Variants in HS3ST3A1 observed in about 807,000 individuals in gnomAD.
HS3ST3A1 encodes heparan sulfate glucosamine 3-O-sulfotransferase 3A1.
In HS3ST3A1, 19 loss-of-function variants were observed where a neutral mutation model predicts 25.7. The ratio of observed to expected loss-of-function variants is 0.74; its 90% confidence interval spans 0.52 to 1.08. The LOEUF is 1.08. HS3ST3A1 is among the 50% of genes least tolerant of loss of function. HS3ST3A1 has a pLI of 0.00. For missense variants in HS3ST3A1, 459 were observed against 594.3 expected, an observed-to-expected ratio of 0.77 and a Z score of 2.37; for synonymous variants, 226 against 278.6, an observed-to-expected ratio of 0.81 and a Z score of 1.88.
intron 1 of HS3ST3A1, among the ~76,000 whole-genome samples, chr17:13,572,182 G>A (rs112311837): frequency 0.03 from 4,628 of 152,074 alleles, 96 homozygotes; most frequent in Non-Finnish European, 0.048. Flanking sequence ...TCCTTTTTAC[G>A]TCTATGAAAT....
intron 1 of HS3ST3A1, 126 bp from the exon 2 acceptor site, chr17:13,496,944 T>A: frequency 1.5e-6 from 2 of 1,335,214 alleles, no homozygotes; most frequent in African/African-American, 1.5e-5. Flanking sequence ...GCTAGACATC[T>A]GATGGTGACG....
chr17:13,524,864 G>A lies in HS3ST3A1; in HGVS notation c.600-28046C>T, dbSNP rs1203898383. On this transcript the variant is annotated intron_variant, in intron 1 of 1. Transcript: ENST00000284110. ...AAAGTCACTGCTTGCATTTCTAACAGCTTTCATGTCATATATTTTGATGTT... is the reference window on the plus strand; with the variant it reads ...AAAGTCACTGCTTGCATTTCTAACAACTTTCATGTCATATATTTTGATGTT... Among the ~76,000 whole-genome samples the A allele has an allele frequency of 3.9e-5, 6 of 152,196 alleles. No homozygotes were observed. The South Asian group carries it at 1.0e-3, about 26-fold the overall frequency.
Position 13,495,256 on chromosome 17 carries a change from A to C in HS3ST3A1, c.*941T>G, listed in dbSNP as rs1905235080. Among the ~76,000 whole-genome samples, 1 of 152,046 alleles carries C rather than the reference A, an allele frequency of 6.6e-6. No individual in the cohort carries two copies. The highest frequency in any genetic ancestry group is 6.5e-5 in the Admixed American group (1 of 15,268). On this transcript the variant is annotated 3_prime_UTR_variant, in exon 2 of 2. Coordinates refer to ENST00000284110, the MANE Select transcript of HS3ST3A1 (RefSeq NM_006042.3). ...CTTGTCCTCCATGCAAGAATCCAAT[A>C]ATTCCTCTCCAATTCAATCAAGCAT...
intron 1 of HS3ST3A1, among the ~76,000 whole-genome samples, chr17:13,498,356 C>A (rs1445037502): frequency 1.3e-5 from 2 of 152,130 alleles, no homozygotes; most frequent in African/African-American, 4.8e-5. Context: ...TTTCTCTGAA[C>A]TTCTCTTGCC....
intron 1 of HS3ST3A1, among the ~76,000 whole-genome samples, chr17:13,555,142 ACT>A (rs1907338163): frequency 6.6e-6 from 1 of 152,026 alleles, no homozygotes; most frequent in Admixed American, 6.6e-5. Flanking sequence ...GAACAAAAAC[ACT>A]TATGGCTTCC....
intron 1 of HS3ST3A1, among the ~76,000 whole-genome samples, chr17:13,545,519 T>C (rs545929318): frequency 6.6e-6 from 1 of 152,200 alleles, no homozygotes; most frequent in Non-Finnish European, 1.5e-5. Context: ...GGTTTGTGTA[T>C]CTTTTGTTAC....
intron 1 of HS3ST3A1, among the ~76,000 whole-genome samples, chr17:13,529,556 G>A (rs1168461972): frequency 6.6e-6 from 1 of 152,156 alleles, no homozygotes; most frequent in Non-Finnish European, 1.5e-5. Context: ...AACACTGTAT[G>A]TGACAAATCC....
chr17:13,516,303 C>G (rs532242325), intron 1 of HS3ST3A1, among the ~76,000 whole-genome samples: 1 of 152,056 alleles, frequency 6.6e-6, no homozygotes, highest in Admixed American at 6.5e-5. Flanking sequence ...GCGCAAGACT[C>G]TGTCTCAAAA....
chr17:13,585,616 G>T (rs1908237824), intron 1 of HS3ST3A1, among the ~76,000 whole-genome samples: 1 of 151,636 alleles, frequency 6.6e-6, no homozygotes, highest in Admixed American at 6.6e-5. Flanking sequence ...CTCCCTTTGG[G>T]TCTAGAATAG....
At chr17:13,595,403 T>A (rs1181040673) in intron 1 of HS3ST3A1, among the ~76,000 whole-genome samples, 2 of 152,180 alleles carry the variant, frequency 1.3e-5, no homozygotes, top group African/African-American at 4.8e-5. Context: ...AATTTCTAAA[T>A]TTTGGCTTCA....
intron 1 of HS3ST3A1, among the ~76,000 whole-genome samples, chr17:13,582,683 A>G (rs2051082626): frequency 6.6e-6 from 1 of 152,196 alleles, no homozygotes; most frequent in African/African-American, 2.4e-5. Context: ...TCACGTTTTC[A>G]TTTGCATAGT....
rs74602665 is a variant in HS3ST3A1, at chr17:13,511,978, A to C, written c.600-15160T>G. On this transcript the variant is annotated intron_variant, in intron 1 of 1. Coordinates refer to ENST00000284110, the MANE Select transcript of HS3ST3A1 (RefSeq NM_006042.3). ...TAATTCATATTTTGGATCAAAATAT[A>C]TTCAAATTTGTACACTTGCACTTCA... 5.6e-3 allele frequency among the ~76,000 whole-genome samples: 852 copies of C among 152,322 alleles called. 8 individuals are homozygous for C. Among genetic ancestry groups the C allele is most frequent in the African/African-American group, 0.019 (810 of 41,572 alleles).
intron 1 of HS3ST3A1, among the ~76,000 whole-genome samples, chr17:13,590,643 T>C (rs1908399492): frequency 6.6e-6 from 1 of 152,210 alleles, no homozygotes; most frequent in Non-Finnish European, 1.5e-5. Context: ...TCATGTCTTA[T>C]GTGACTAATG....
intron 1 of HS3ST3A1, among the ~76,000 whole-genome samples, chr17:13,536,152 A>G (rs1189998342): frequency 6.6e-6 from 1 of 152,196 alleles, no homozygotes; most frequent in African/African-American, 2.4e-5. Flanking sequence ...GTCATCTCCC[A>G]GAAGTTCAAC....
intron 1 of HS3ST3A1, among the ~76,000 whole-genome samples, chr17:13,586,738 C>T (rs1219115350): frequency 6.7e-6 from 1 of 149,718 alleles, no homozygotes; most frequent in Admixed American, 6.7e-5. Flanking sequence ...AGCGTGGTGG[C>T]GGGCGCCTGT....
chr17:13,506,331 G>A (rs895127676), intron 1 of HS3ST3A1, among the ~76,000 whole-genome samples: 1 of 152,124 alleles, frequency 6.6e-6, no homozygotes, highest in African/African-American at 2.4e-5. Flanking sequence ...AACAAAAAAA[G>A]TTTATTGTCC....
At position 13,494,275 on chromosome 17, in the gene HS3ST3A1, T is replaced by C. The variant is rs1042475477; in HGVS notation, c.*1922A>G. On this transcript the variant is annotated 3_prime_UTR_variant, in exon 2 of 2. Transcript: ENST00000284110. ...CTGTGGCACTGGGAAATTGAGAGCA[T>C]AGACATGAAGGAAATCAACTGAAAA... Among the ~76,000 whole-genome samples, 4 of 152,172 alleles carry C rather than the reference T, an allele frequency of 2.6e-5. No individual in the cohort carries two copies. Among genetic ancestry groups the C allele is most frequent in the Non-Finnish European group, 4.4e-5 (3 of 68,012 alleles).
chr17:13,531,286 T>C (rs1050252443), intron 1 of HS3ST3A1, among the ~76,000 whole-genome samples: 1 of 152,164 alleles, frequency 6.6e-6, no homozygotes, highest in African/African-American at 2.4e-5. Flanking sequence ...TGTATTTTCA[T>C]CCATTTTTCT....
intron 1 of HS3ST3A1, among the ~76,000 whole-genome samples, chr17:13,535,586 T>G (rs1222919106): frequency 6.6e-6 from 1 of 152,128 alleles, no homozygotes; most frequent in Non-Finnish European, 1.5e-5. Flanking sequence ...ACAAATAAAT[T>G]TAGCAAGTAG....
Sources: allele counts gnomAD v4.1 joint callset (sites outside exome capture counted in the v4.1 genomes callset), GRCh38; gene constraint gnomAD v4.1.1; transcripts MANE v1.5; gene names NCBI Gene and HGNC (gene_info 2026-07-23, HGNC 2026-07-21).